The following CLSTN2 variants were observed in gnomAD, a reference collection of about 807,000 sequenced individuals.
The protein encoded by CLSTN2 is calsyntenin-2.
In CLSTN2, 48 loss-of-function variants were observed where a neutral mutation model predicts 101.2. The ratio of observed to expected loss-of-function variants is 0.47; its 90% CI spans 0.38 to 0.60. CLSTN2 has a LOEUF of 0.60. CLSTN2 is among the 20% of genes least tolerant of loss of function. The pLI is 0.00. For synonymous variants in CLSTN2, 481 were observed against 463.6 expected (o/e 1.04, Z -0.48); for missense variants, 1,160 against 1,238.2 (o/e 0.94, Z 0.95).
At chr3:140,560,733 C>G (rs1935894479) in intron 12 of CLSTN2, among the ~76,000 whole-genome samples, 1 of 152,138 alleles carries the variant, frequency 6.6e-6, no homozygotes, top group Non-Finnish European at 1.5e-5. Context: ...AGCCGTGACA[C>G]ACTCCCTACC....
rs919293573 is a variant in CLSTN2, at chr3:139,937,366, G to T, written c.109+1883G>T. Reference sequence around the variant, plus strand: ...AAAATAAAAACCCCAGGCTTTCAATGATTCACTTTATGTGGATAATTATGT... The same window carrying T: ...AAAATAAAAACCCCAGGCTTTCAATTATTCACTTTATGTGGATAATTATGT... On this transcript the variant is annotated intron_variant, in intron 1 of 16. Transcript: ENST00000458420. Among the ~76,000 whole-genome samples the T allele has an allele frequency of 5.9e-5, 9 of 152,236 alleles. No individual in the cohort carries two copies. In the East Asian group the frequency reaches 1.7e-3, roughly 29 times the overall value.
intron 8 of CLSTN2, among the ~76,000 whole-genome samples, chr3:140,509,340 G>C (rs575633458): frequency 6.6e-6 from 1 of 152,268 alleles, no homozygotes; most frequent in East Asian, 1.9e-4. Context: ...AGGGCTTATT[G>C]AAACACAAAT....
rs2009175539 is a variant in CLSTN2, at chr3:140,112,652, T to C, written c.110-63299T>C. The stretch of plus-strand genomic sequence containing the variant: ...GCTCTAACCTCTGGCTTCTTATGGG[T>C]GCATGCAGTCCAGGGGAAATGCTAG... On this transcript the variant is annotated intron_variant, in intron 1 of 16. Transcript: ENST00000458420. Among the ~76,000 whole-genome samples, 3 of 152,044 alleles carry C rather than the reference T, an allele frequency of 2.0e-5. No homozygotes were observed. The South Asian group carries it at 6.2e-4, about 32-fold the overall frequency.
chr3:140,360,169 G>A (rs541767738), intron 2 of CLSTN2, among the ~76,000 whole-genome samples: 9 of 151,994 alleles, frequency 5.9e-5, no homozygotes, highest in East Asian at 1.9e-4. Flanking sequence ...CCCTGTAATC[G>A]TTCCTTTTTT....
At chr3:140,032,634 G>A (rs926424126) in intron 1 of CLSTN2, among the ~76,000 whole-genome samples, 5 of 152,170 alleles carry the variant, frequency 3.3e-5, no homozygotes, top group African/African-American at 1.2e-4. Flanking sequence ...ACCATGCCCA[G>A]CCACAAGTAC....
intron 1 of CLSTN2, among the ~76,000 whole-genome samples, chr3:140,146,355 A>T (rs1373776109): frequency 6.6e-6 from 1 of 152,272 alleles, no homozygotes; most frequent in African/African-American, 2.4e-5. Flanking sequence ...AGGATATTGT[A>T]GAACTAGCAA....
intron 2 of CLSTN2, among the ~76,000 whole-genome samples, chr3:140,397,522 C>G (rs1005239803): frequency 6.6e-6 from 1 of 152,176 alleles, no homozygotes; most frequent in Non-Finnish European, 1.5e-5. Context: ...ATTTATTTCT[C>G]ACAGTTCTGG....
intron 2 of CLSTN2, among the ~76,000 whole-genome samples, chr3:140,254,952 CAACA>C (rs1252758398): frequency 6.6e-6 from 1 of 151,976 alleles, no homozygotes; most frequent in Non-Finnish European, 1.5e-5. Context: ...AAACTTAAAT[CAACA>C]AACAAAAAAC....
At chr3:140,565,752 G>A (rs971527726) in intron 16 of CLSTN2, among the ~76,000 whole-genome samples, 7 of 152,202 alleles carry the variant, frequency 4.6e-5, no homozygotes, top group African/African-American at 1.7e-4. Flanking sequence ...GGCCTGAAAG[G>A]TTCAGTAAAT....
chr3:140,317,607 T>A (rs1241554599), intron 2 of CLSTN2, among the ~76,000 whole-genome samples: 5 of 152,176 alleles, frequency 3.3e-5, no homozygotes, highest in Admixed American at 1.3e-4. Flanking sequence ...AGAAATTCTG[T>A]CTTTACTTGT....
chr3:139,957,215 A>G (rs2107812903), intron 1 of CLSTN2, among the ~76,000 whole-genome samples: 1 of 152,148 alleles, frequency 6.6e-6, no homozygotes, highest in East Asian at 1.9e-4. Context: ...CTCCAGCCTC[A>G]TCTCTGCCAC....
intron 6 of CLSTN2, among the ~76,000 whole-genome samples, chr3:140,457,313 C>G (rs1052269039): frequency 1.3e-5 from 2 of 152,262 alleles, no homozygotes; most frequent in African/African-American, 4.8e-5. Context: ...CCGACATGCT[C>G]TGTGTGTACC....
chr3:140,201,004 G>A (rs1182193345), intron 2 of CLSTN2, among the ~76,000 whole-genome samples: 1 of 152,184 alleles, frequency 6.6e-6, no homozygotes, highest in Non-Finnish European at 1.5e-5. Context: ...AAGTCAGGGA[G>A]GTTGACCTCA....
At chr3:140,435,673 T>C (rs1175224541) in intron 5 of CLSTN2, among the ~76,000 whole-genome samples, 1 of 152,256 alleles carries the variant, frequency 6.6e-6, no homozygotes, top group Non-Finnish European at 1.5e-5. Flanking sequence ...TGTATTAATT[T>C]ACATTCCCAC....
intron 2 of CLSTN2, among the ~76,000 whole-genome samples, chr3:140,269,411 C>A (rs913633976): frequency 3.3e-5 from 5 of 152,180 alleles, no homozygotes; most frequent in African/African-American, 7.2e-5. Flanking sequence ...CACGATGGTG[C>A]CTGAGTGTTT....
At chr3:140,403,048 A>G (rs2088261340) in intron 2 of CLSTN2, among the ~76,000 whole-genome samples, 1 of 152,234 alleles carries the variant, frequency 6.6e-6, no homozygotes, top group African/African-American at 2.4e-5. Flanking sequence ...AGAAAAAAGG[A>G]GATATTATCA....
chr3:140,485,998 T>G (rs1038357292), intron 8 of CLSTN2, among the ~76,000 whole-genome samples: 2 of 151,644 alleles, frequency 1.3e-5, no homozygotes, highest in African/African-American at 4.8e-5. Flanking sequence ...ACTCGGTACC[T>G]CAGTTGGAAA....
chr3:140,360,972 A>G (rs1576532181), intron 2 of CLSTN2, among the ~76,000 whole-genome samples: 2 of 152,314 alleles, frequency 1.3e-5, no homozygotes, highest in African/African-American at 2.4e-5. Flanking sequence ...CTCTTTCAGG[A>G]AATAGAGGAG....
intron 8 of CLSTN2, among the ~76,000 whole-genome samples, chr3:140,500,016 G>A (rs1254091434): frequency 5.3e-5 from 8 of 151,746 alleles, no homozygotes; most frequent in African/African-American, 4.8e-5. Context: ...GCAGTGAGCC[G>A]AGATCATGCC....
Sources: gnomAD v4.1 joint callset for allele counts (sites outside exome capture counted in the v4.1 genomes callset) on GRCh38, gnomAD v4.1.1 for gene constraint, MANE v1.5 for transcripts, NCBI Gene and HGNC (gene_info 2026-07-23, HGNC 2026-07-21) for gene names.